JAKMIP1: variants seen among roughly 807,000 people sequenced by gnomAD.
The protein encoded by JAKMIP1 is janus kinase and microtubule interacting protein 1, also known as janus kinase and microtubule-interacting protein 1.
Under a neutral mutation model 113.0 loss-of-function variants are expected in JAKMIP1, and 33 were observed. That is an observed-to-expected ratio of 0.29 (90% CI 0.22 to 0.39). The LOEUF is 0.39. Among genes scored for constraint, JAKMIP1 ranks in the 10% least tolerant of loss-of-function variants. JAKMIP1 has a pLI of 1.00. For synonymous variants in JAKMIP1, 480 were observed against 459.9 expected, an observed-to-expected ratio of 1.04 and a Z score of -0.56; for missense variants, 813 against 1,080.5, an observed-to-expected ratio of 0.75 and a Z score of 3.47.
intron 18 of JAKMIP1, 99 bp from the exon 19 acceptor site, chr4:6,036,206 G>T: frequency 3.1e-6 from 3 of 982,470 alleles, no homozygotes; most frequent in East Asian, 2.7e-5. Context: ...AGGGAGGGGG[G>T]TTTCGGGCAG....
At position 6,081,934 on chromosome 4, in the gene JAKMIP1, A is replaced by G. The variant is rs1209711983; in HGVS notation, c.955-179T>C. 1.3e-5 allele frequency among the ~76,000 whole-genome samples: 2 copies of G among 152,174 alleles called. No individual in the cohort carries two copies. Among genetic ancestry groups the G allele is most frequent in the Non-Finnish European group, 2.9e-5 (2 of 68,030 alleles). ...GCAAGTTCTCAGCCTCAGTTTCCTC[A>G]TCTATCAAATGAGAATCACGGCAGC... is the stretch of plus-strand genomic sequence containing the variant. On this transcript the variant is annotated intron_variant, in intron 5 of 20. Transcript: ENST00000409021. This position sits in a 1 kb window ranked among gnomAD's most constrained non-coding sequence, Gnocchi z 4.6.
In JAKMIP1 at chr4:6,150,861, C is replaced by T. The variant is rs562122672; in HGVS notation, c.-147-37864G>A. Among the ~76,000 whole-genome samples the T allele has an allele frequency of 8.5e-5, 13 of 152,298 alleles. No homozygotes were observed. Among genetic ancestry groups the T allele is most frequent in the South Asian group, 6.2e-4 (3 of 4,822 alleles). On this transcript the variant is annotated intron_variant, in intron 1 of 20. Coordinates refer to ENST00000409021, the MANE Select transcript of JAKMIP1 (RefSeq NM_001099433.2). This position sits in a 1 kb window ranked among gnomAD's most constrained non-coding sequence, Gnocchi z 4.8. The stretch of plus-strand genomic sequence containing the variant: ...GCAAGACAGTAATAATGTCTGCCAC[C>T]GGAAGACACCCAGTGCAACACCTGA...
In JAKMIP1 at chr4:6,049,740, A is replaced by G; in HGVS notation, c.1962+79T>C. 1 of 1,105,446 alleles carries G rather than the reference A, an allele frequency of 9.0e-7. No individual in the cohort carries two copies. Among genetic ancestry groups the G allele is most frequent in the Non-Finnish European group, 1.4e-6 (1 of 731,694 alleles). The allele number at this position is 1,105,446 out of a possible 1,614,324, so 68.5% of individuals were successfully genotyped here. On this transcript the variant is annotated intron_variant, in intron 15 of 20. Coordinates refer to ENST00000409021, the MANE Select transcript of JAKMIP1 (RefSeq NM_001099433.2). This position sits in a 1 kb window ranked among gnomAD's most constrained non-coding sequence, Gnocchi z 7.0. ...CTTACATCAGAGAGAAATTAAAAAC[A>G]AAACAAAACAAAAGTCACACAGAAT...
chr4:6,045,609 A>C (rs34397955), intron 16 of JAKMIP1, among the ~76,000 whole-genome samples: 8,352 of 152,280 alleles, frequency 0.055, 682 homozygotes, highest in African/African-American at 0.18. Flanking sequence ...GAGGTGTCTC[A>C]TACCTGTAAT....
At chr4:6,145,523 T>C (rs1355270505) in intron 1 of JAKMIP1, among the ~76,000 whole-genome samples, 1 of 152,148 alleles carries the variant, frequency 6.6e-6, no homozygotes, top group East Asian at 1.9e-4. Flanking sequence ...GGTCCCAGAA[T>C]TCCACTTCTG....
intron 1 of JAKMIP1, among the ~76,000 whole-genome samples, chr4:6,163,796 T>C (rs1360496895): frequency 3.3e-5 from 5 of 152,172 alleles, no homozygotes; most frequent in Non-Finnish European, 7.4e-5. Context: ...ATTGCTGATA[T>C]GGAGAAAATT....
At chr4:6,075,223 T>C (rs1321850579) in intron 8 of JAKMIP1, among the ~76,000 whole-genome samples, 2 of 151,824 alleles carry the variant, frequency 1.3e-5, no homozygotes, top group African/African-American at 2.4e-5. Flanking sequence ...GATGCAACCA[T>C]CCATTTTTTT....
Position 6,185,373 on chromosome 4 carries a change from C to A in JAKMIP1, c.-148+14880G>T, listed in dbSNP as rs1490539494. Among the ~76,000 whole-genome samples the A allele has an allele frequency of 6.6e-6, 1 of 152,046 alleles. No homozygotes were observed. Among genetic ancestry groups the A allele is most frequent in the Admixed American group, 6.5e-5 (1 of 15,272 alleles). On this transcript the variant is annotated intron_variant, in intron 1 of 20. Coordinates refer to ENST00000409021, the MANE Select transcript of JAKMIP1 (RefSeq NM_001099433.2). The surrounding 1 kb of genome is among the most constrained non-coding windows in gnomAD (Gnocchi z 5.3). ...TAAAAGCCAGACCCCAGGGGCCGGG[C>A]ACGGTGGCTCACGCCTGTAATCCCA...
chr4:6,052,650 T>TAAAA (rs762425260), intron 13 of JAKMIP1, among the ~76,000 whole-genome samples: 3 of 53,988 alleles, frequency 5.6e-5, no homozygotes, highest in African/African-American at 1.5e-4. Flanking sequence ...GACTCTGTCC[T>TAAAA]AAAAAAAAAA....
intron 5 of JAKMIP1, among the ~76,000 whole-genome samples, chr4:6,082,893 T>C (rs1026641794): frequency 5.3e-5 from 8 of 152,116 alleles, no homozygotes; most frequent in African/African-American, 1.9e-4. Context: ...AAGCCGCTGG[T>C]AAAAAGACAA....
At chr4:6,148,925 G>T (rs1721213012) in intron 1 of JAKMIP1, among the ~76,000 whole-genome samples, 1 of 152,256 alleles carries the variant, frequency 6.6e-6, no homozygotes, top group African/African-American at 2.4e-5. Flanking sequence ...TGGGGACTGG[G>T]TGTGGTGAGA....
rs536131414 is a variant in JAKMIP1 at position 6,105,090 on chromosome 4, A to G, written c.624+383T>C. Among the ~76,000 whole-genome samples the G allele has an allele frequency of 1.1e-4, 17 of 151,954 alleles. No homozygotes were observed. The East Asian group carries it at 1.4e-3, about 12-fold the overall frequency. Reference sequence around the variant, plus strand: ...TTCAAAACAGGACTATTTGCAATTTATATGTTTCCCTTGCTGTTGCAGCCA... The same window carrying G: ...TTCAAAACAGGACTATTTGCAATTTGTATGTTTCCCTTGCTGTTGCAGCCA... On this transcript the variant is annotated intron_variant, in intron 3 of 20. Coordinates refer to ENST00000409021, the MANE Select transcript of JAKMIP1 (RefSeq NM_001099433.2).
rs953120413 is a variant in JAKMIP1, at chr4:6,106,085, C to G, written c.130-118G>C. The G allele has an allele frequency of 6.0e-6, 4 of 664,770 alleles. No homozygotes were observed. The South Asian group carries it at 7.7e-5, about 13-fold the overall frequency. The allele number at this position is 664,770 out of a possible 1,614,324, so 41.2% of individuals were successfully genotyped here. A position where few individuals can be genotyped will look rare whatever the true frequency, so the allele number is the denominator to read the frequency against. On this transcript the variant is annotated intron_variant, in intron 2 of 20. Coordinates refer to ENST00000409021, the MANE Select transcript of JAKMIP1 (RefSeq NM_001099433.2). This position sits in a 1 kb window ranked among gnomAD's most constrained non-coding sequence, Gnocchi z 5.9. ...CCCACGCCCAAGACACCCACCTGGG[C>G]CCACGTTCCCATGGATTCCCCCTTC...
intron 1 of JAKMIP1, among the ~76,000 whole-genome samples, chr4:6,169,430 C>T (rs1033142168): frequency 1.3e-5 from 2 of 152,052 alleles, no homozygotes; most frequent in South Asian, 2.1e-4. Context: ...CAAGGACAGC[C>T]GCCACCACTA....
rs73196072 is a variant in JAKMIP1 at position 6,061,588 on chromosome 4, T to C, written c.1560+724A>G. Among the ~76,000 whole-genome samples, 17,707 of 152,034 alleles carry C rather than the reference T, an allele frequency of 0.12. 1,360 individuals carry two copies. Among genetic ancestry groups the C allele is most frequent in the Middle Eastern group, 0.21 (62 of 292 alleles). Reference sequence around the variant, plus strand: ...CCTCGACTCCCAGCTCTGTTCAGCATCATCTGGGTATTTGGGGGCAAGTTG... The same window carrying C: ...CCTCGACTCCCAGCTCTGTTCAGCACCATCTGGGTATTTGGGGGCAAGTTG... On this transcript the variant is annotated intron_variant, in intron 10 of 20. Transcript: ENST00000409021. The surrounding 1 kb of genome is among the most constrained non-coding windows in gnomAD (Gnocchi z 5.3).
At chr4:6,161,696 C>A (rs1196964007) in intron 1 of JAKMIP1, among the ~76,000 whole-genome samples, 3 of 152,064 alleles carry the variant, frequency 2.0e-5, no homozygotes, top group African/African-American at 7.2e-5. Context: ...ACCAGAGCCA[C>A]CGGGTGCTCT....
In JAKMIP1 at chr4:6,100,718, C is replaced by T. The variant is rs567464001; in HGVS notation, c.624+4755G>A. Among the ~76,000 whole-genome samples, 7 of 152,198 alleles carry T rather than the reference C, an allele frequency of 4.6e-5. No homozygotes were observed. In the East Asian group the frequency reaches 1.4e-3, roughly 29 times the overall value. On this transcript the variant is annotated intron_variant, in intron 3 of 20. Coordinates refer to ENST00000409021, the MANE Select transcript of JAKMIP1 (RefSeq NM_001099433.2). ...CAGAATGACGGTACCCATTCCTCCA[C>T]ATGCTAGTCAACATTTACTATTGTC...
chr4:6,164,394 A>T (rs1355209944), intron 1 of JAKMIP1, among the ~76,000 whole-genome samples: 1 of 152,202 alleles, frequency 6.6e-6, no homozygotes, highest in Non-Finnish European at 1.5e-5. Flanking sequence ...GAAAAAAAAG[A>T]TTACTTTTAC....
chr4:6,054,682 C>CA (rs1578103514), intron 12 of JAKMIP1: 1 of 454,872 alleles, frequency 2.2e-6, no homozygotes, highest in Non-Finnish European at 4.4e-6. Context: ...TGGGAAGTGA[C>CA]ACCGCCTGCA....
Sources: allele counts gnomAD v4.1 joint callset (sites outside exome capture counted in the v4.1 genomes callset), GRCh38; gene constraint gnomAD v4.1.1; non-coding constraint Gnocchi (gnomAD v3.1); transcripts MANE v1.5; gene names NCBI Gene and HGNC (gene_info 2026-07-23, HGNC 2026-07-21).